The following MKS1 variants were observed in gnomAD, a reference collection of about 807,000 sequenced individuals.
The protein encoded by MKS1 is tectonic-like complex member MKS1.
In MKS1, 70 loss-of-function variants were observed where a neutral mutation model predicts 83.7. That is an observed-to-expected ratio of 0.84 (90% CI 0.69 to 1.02). MKS1 has a LOEUF of 1.02. MKS1 is among the 50% of genes least tolerant of loss of function. The pLI, the probability that MKS1 is intolerant of heterozygous loss-of-function variation, is 0.00. For synonymous variants in MKS1, 251 were observed against 273.4 expected, an observed-to-expected ratio of 0.92 and a Z score of 0.81; for missense variants, 681 against 726.9, an observed-to-expected ratio of 0.94 and a Z score of 0.73.
At position 58,209,159 on chromosome 17, in the gene MKS1, A is replaced by G. The variant is rs1288823814; in HGVS notation, c.1025-576T>C. 6.6e-6 allele frequency among the ~76,000 whole-genome samples: 1 copy of G among 151,494 alleles called. No homozygotes were observed. The highest frequency in any genetic ancestry group is 1.5e-5 in the Non-Finnish European group (1 of 67,818). The stretch of plus-strand genomic sequence containing the variant: ...AAAACCGCCATCGTCATCATGGCCC[A>G]TTCTCAATGGTCGCTGTCTCTTCGG... On this transcript the variant is annotated intron_variant, in intron 11 of 17. Transcript: ENST00000393119. The surrounding 1 kb of genome is among the most constrained non-coding windows in gnomAD (Gnocchi z 4.1).
intron 14 of MKS1, 66 bp from the exon 15 acceptor site, chr17:58,207,284 C>T: frequency 6.2e-7 from 1 of 1,604,478 alleles, no homozygotes; most frequent in Non-Finnish European, 8.5e-7. Context: ...ACTGACTCCC[C>T]AGCAATGACA....
chr17:58,210,530 T>C, intron 11 of MKS1, 129 bp downstream of exon 11: 2 of 954,634 alleles, frequency 2.1e-6, no homozygotes, highest in Non-Finnish European at 3.4e-6. Context: ...TTTGGTAAAG[T>C]GGATGTGATC....
chr17:58,213,177 G>A, intron 7 of MKS1, 87 bp from the exon 8 acceptor site: 2 of 1,252,118 alleles, frequency 1.6e-6, no homozygotes, highest in Non-Finnish European at 2.3e-6. Context: ...TGAGCGATCA[G>A]GGGCCATACA....
In MKS1 at chr17:58,210,973, C is replaced by G. The variant is rs1185269829; in HGVS notation, c.958+7G>C. 1.3e-5 allele frequency: 21 copies of G among 1,613,618 alleles called. No homozygotes were observed. Among genetic ancestry groups the G allele is most frequent in the Non-Finnish European group, 1.8e-5 (21 of 1,179,708 alleles). On this transcript the variant is annotated splice_region_variant and intron_variant, in intron 10 of 17. Transcript: ENST00000393119. ...CATCAAGAGATCTATGCTAGCAAGA[C>G]ACTTACCGACCTCTCCATTTACAAA... is the stretch of plus-strand genomic sequence containing the variant.
chr17:58,218,696 A>C lies in MKS1; in HGVS notation c.114T>G (p.Phe38Leu), dbSNP rs375861391. The C allele has an allele frequency of 6.2e-7, 1 of 1,613,944 alleles. No homozygotes were observed. Among genetic ancestry groups the C allele is most frequent in the Non-Finnish European group, 8.5e-7 (1 of 1,179,970 alleles). The change falls in exon 2 of 18, where the codon TTT (phenylalanine) becomes TTG (leucine). Residue 38 changes from phenylalanine to leucine, a missense_variant. By Grantham distance (22) the Phe-to-Leu change is conservative. This residue lies in a region of MKS1 where 365 missense variants were observed against 383.8 expected (regional missense o/e 0.95). Coordinates refer to ENST00000393119, the MANE Select transcript of MKS1 (RefSeq NM_017777.4). ...GCTCGGCAGCAGGCTGATAATGAAG[A>C]AAGTTGCTTGATGTGATTCTTTGCA... is the stretch of plus-strand genomic sequence containing the variant. The part of the protein sequence containing the change: ...VHLQRITSSN[F>L]LHYQPAAELG...
Position 58,214,765 on chromosome 17 carries a change from C to T in MKS1, c.491G>A (p.Arg164His), listed in dbSNP as rs200149256. 302 of 1,606,980 alleles carry T rather than the reference C, an allele frequency of 1.9e-4. No homozygotes were observed. Among genetic ancestry groups the T allele is most frequent in the Non-Finnish European group, 2.2e-4 (259 of 1,179,826 alleles). The change falls in exon 5 of 18, where the codon CGT becomes CAT. Residue 164 changes from arginine to histidine, a missense_variant. Physicochemically the swap from Arg to His is conservative, Grantham distance 29 (BLOSUM62 0). Around this residue, in one of 3 missense-constraint regions of MKS1, gnomAD observed 365 missense variants for 383.8 expected, o/e 0.95. Transcript: ENST00000393119. Reference sequence around the variant, plus strand: ...CATCCCTCGCCTGTCCTGCCGGCGACGCCTGACATTTGCCATTCGCTCGAC... The same window carrying T: ...CATCCCTCGCCTGTCCTGCCGGCGATGCCTGACATTTGCCATTCGCTCGAC... The part of the protein sequence containing the change: ...FLVERMANVR[R>H]RRQDRRGMEG...
chr17:58,206,428 G>A (rs1437876069), intron 16 of MKS1, 37 bp downstream of exon 16: 5 of 1,614,052 alleles, frequency 3.1e-6, no homozygotes, highest in Admixed American at 1.7e-5. Flanking sequence ...ACCCCTCAGG[G>A]CTAAGGTGCC....
At chr17:58,208,810 C>T (rs958886257) in intron 11 of MKS1, among the ~76,000 whole-genome samples, 7 of 151,998 alleles carry the variant, frequency 4.6e-5, no homozygotes, top group Non-Finnish European at 7.4e-5. Context: ...GAGGTCCCTG[C>T]GGCCTTCCAC....
intron 11 of MKS1, 83 bp from the exon 12 acceptor site, chr17:58,208,666 CTT>C (rs536733808): frequency 6.4e-4 from 654 of 1,022,502 alleles, no homozygotes; most frequent in Non-Finnish European, 7.6e-4. Context: ...TTTTTCTTTT[CTT>C]TTTTTTTTTT....
rs1351500955 is a variant in MKS1 at position 58,209,418 on chromosome 17, C to G, written c.1025-835G>C. On this transcript the variant is annotated intron_variant, in intron 11 of 17. Transcript: ENST00000393119. This position sits in a 1 kb window ranked among gnomAD's most constrained non-coding sequence, Gnocchi z 4.1. ...GGGGAAGCAGGGAGACAGACAAAAA[C>G]CAAACCAACAAGAGACTATTGGGTA... is the stretch of plus-strand genomic sequence containing the variant. Among the ~76,000 whole-genome samples, 1 of 152,108 alleles carries G rather than the reference C, an allele frequency of 6.6e-6. No individual in the cohort carries two copies. The highest frequency in any genetic ancestry group is 1.5e-5 in the Non-Finnish European group (1 of 68,028).
intron 10 of MKS1, 41 bp downstream of exon 10, chr17:58,210,939 G>A (rs756996032): frequency 1.4e-5 from 22 of 1,601,696 alleles, no homozygotes; most frequent in Non-Finnish European, 8.6e-6. Context: ...ATCTAGGCAC[G>A]TGCCTAAGCA....
chr17:58,215,887 G>A (rs953325247), intron 4 of MKS1: 11 of 638,182 alleles, frequency 1.7e-5, no homozygotes, highest in Admixed American at 2.4e-5. Flanking sequence ...AGCAGGCAGA[G>A]AAGGGAGCAG....
chr17:58,219,190 A>C lies in MKS1; in HGVS notation c.41T>G (p.Val14Gly), dbSNP rs1238624666. The C allele has an allele frequency of 6.4e-7, 1 of 1,551,078 alleles. No individual in the cohort carries two copies. The highest frequency in any genetic ancestry group is 8.7e-7 in the Non-Finnish European group (1 of 1,147,014). The change falls in exon 1 of 18, where the codon GTG (valine) becomes GGG (glycine). Residue 14 changes from valine (V) to glycine (G), a missense_variant. By Grantham distance (109) the Val-to-Gly change is moderately radical. Around this residue, in one of 3 missense-constraint regions of MKS1, gnomAD observed 365 missense variants for 383.8 expected, o/e 0.95. Transcript: ENST00000393119. ...TVWSTDTGEAVYRSRDPVRNL... is the reference protein window; with the variant it reads ...TVWSTDTGEAGYRSRDPVRNL... ...GCGCACGGGGTCCCGGGAGCGATAC[A>C]CTGCCTCCCCGGTGTCAGTGCTCCA...
Position 58,205,569 on chromosome 17 carries a change from C to T in MKS1, c.*510G>A, listed in dbSNP as rs1416172223. 9.2e-6 allele frequency: 12 copies of T among 1,304,844 alleles called. No individual in the cohort carries two copies. Among genetic ancestry groups the T allele is most frequent in the African/African-American group, 1.5e-5 (1 of 65,896 alleles). The allele number at this position is 1,304,844 out of a possible 1,614,324, so 80.8% of individuals were successfully genotyped here. A position where few individuals can be genotyped will look rare whatever the true frequency, so the allele number is the denominator to read the frequency against. ...TCAGCCTTCACTTACTCAGAAATAA[C>T]TCATATCTCAACCTCAGCAAGCCCC... On this transcript the variant is annotated 3_prime_UTR_variant, in exon 18 of 18. Coordinates refer to ENST00000393119, the MANE Select transcript of MKS1 (RefSeq NM_017777.4).
Position 58,206,087 on chromosome 17 carries a change from C to G in MKS1, c.1672G>C (p.Val558Leu), listed in dbSNP as rs1235845808. 6.2e-7 allele frequency: 1 copy of G among 1,611,356 alleles called. No homozygotes were observed. The highest frequency in any genetic ancestry group is 1.7e-5 in the Admixed American group (1 of 59,634). ...QDLVSPSGTL[V>L]S The stretch of plus-strand genomic sequence containing the variant: ...GCCAGGGCTGCTGTGAGCTAGGAGA[C>G]CAGGGTTCCAGAGGGGCTCACTAGG... The change falls in exon 18 of 18, where the codon GTC becomes CTC. Residue 558 changes from valine (V) to leucine (L), a missense_variant. Val to Leu is a conservative substitution (Grantham distance 32). Around this residue, in one of 3 missense-constraint regions of MKS1, gnomAD observed 310 missense variants for 321.7 expected, o/e 0.96. Transcript: ENST00000393119.
chr17:58,214,161 C>T (rs1318961762), intron 6 of MKS1, 98 bp downstream of exon 6: 9 of 1,571,656 alleles, frequency 5.7e-6, no homozygotes, highest in Non-Finnish European at 7.9e-6. Context: ...AAAGTCCCTC[C>T]CTCCCCTATA....
chr17:58,214,380 C>T lies in MKS1; in HGVS notation c.523G>A (p.Gly175Ser), dbSNP rs754601373. Reference sequence around the variant, plus strand: ...GTGACGATGCGTGACTTGAGGATGCCGCCCTCCCTGGGAGACACCACAGAA... The same window carrying T: ...GTGACGATGCGTGACTTGAGGATGCTGCCCTCCCTGGGAGACACCACAGAA... Reference protein sequence around the residue: ...RRQDRRGMEGGILKSRIVTWE... With the variant: ...RRQDRRGMEGSILKSRIVTWE... Residue 175 changes from glycine to serine, a missense_variant, in exon 6 of 18, where the codon GGC (glycine) becomes AGC (serine). Physicochemically the swap from Gly to Ser is moderately conservative, Grantham distance 56. Transcript: ENST00000393119. The T allele has an allele frequency of 1.1e-5, 17 of 1,613,018 alleles. No homozygotes were observed. The highest frequency in any genetic ancestry group is 2.7e-5 in the African/African-American group (2 of 74,868).
chr17:58,206,022 T>C lies in MKS1; in HGVS notation c.*57A>G. The C allele has an allele frequency of 6.4e-7, 1 of 1,563,236 alleles. No homozygotes were observed. Among genetic ancestry groups the C allele is most frequent in the Non-Finnish European group, 8.7e-7 (1 of 1,155,684 alleles). On this transcript the variant is annotated 3_prime_UTR_variant, in exon 18 of 18. Transcript: ENST00000393119. ...GAAAGACGAAGAGGCAGGAGAGCAC[T>C]GGCCTCAGATATCCCCCATCTTGTC...
chr17:58,214,314 T>A lies in MKS1; in HGVS notation c.589A>T (p.Ile197Phe). The A allele has an allele frequency of 6.2e-7, 1 of 1,614,102 alleles. No homozygotes were observed. Among genetic ancestry groups the A allele is most frequent in the Non-Finnish European group, 8.5e-7 (1 of 1,180,028 alleles). ...TGCATTGTCTGAAGAGGGGTGTTAA[T>A]GACGTGGTTGTTCCTGACAAACTCT... is the stretch of plus-strand genomic sequence containing the variant. Reference protein sequence around the residue: ...SEEFVRNNHVINTPLQTMHIM... With the variant: ...SEEFVRNNHVFNTPLQTMHIM... Residue 197 changes from isoleucine (I) to phenylalanine (F), a missense_variant, in exon 6 of 18, where the codon ATT becomes TTT. Physicochemically the swap from Ile to Phe is conservative, Grantham distance 21 (BLOSUM62 0). Coordinates refer to ENST00000393119, the MANE Select transcript of MKS1 (RefSeq NM_017777.4).
Sources: allele counts gnomAD v4.1 joint callset (sites outside exome capture counted in the v4.1 genomes callset), GRCh38; gene constraint gnomAD v4.1.1; regional missense constraint gnomAD v4.1.1; non-coding constraint Gnocchi (gnomAD v3.1); transcripts MANE v1.5; gene names NCBI Gene and HGNC (gene_info 2026-07-23, HGNC 2026-07-21).